Variants in DGKB observed in about 807,000 individuals in gnomAD.
DGKB encodes 90 kDa diacylglycerol kinase.
Under a neutral mutation model 114.3 loss-of-function variants are expected in DGKB, and 67 were observed. The observed-to-expected ratio is 0.59, with a 90% CI of 0.48 to 0.72. The LOEUF is 0.72. Among genes scored for constraint, DGKB ranks in the 30% least tolerant of loss-of-function variants. DGKB has a pLI of 0.00. For missense variants in DGKB, 907 were observed against 975.2 expected, an observed-to-expected ratio of 0.93 and a Z score of 0.93; for synonymous variants, 398 against 323.1, an observed-to-expected ratio of 1.23 and a Z score of -2.49.
intron 1 of DGKB, among the ~76,000 whole-genome samples, chr7:14,949,652 AG>A: frequency 6.6e-6 from 1 of 152,092 alleles, no homozygotes; most frequent in South Asian, 2.1e-4. Context: ...CAAATTTAAG[AG>A]GTACAACAAA....
intron 4 of DGKB, among the ~76,000 whole-genome samples, chr7:14,747,775 G>GCGCGCGCGCGCGCGCGCACACACA: frequency 4.8e-4 from 71 of 149,278 alleles, no homozygotes; most frequent in African/African-American, 1.6e-3. Flanking sequence ...ACATCCACGC[G>GCGCGCGCGCGCGCGCGCACACACA]CACGCACACA....
At chr7:14,306,538 C>G (rs1376036677) in intron 23 of DGKB, among the ~76,000 whole-genome samples, 1 of 150,896 alleles carries the variant, frequency 6.6e-6, no homozygotes, top group Non-Finnish European at 1.5e-5. Flanking sequence ...TTCACAAAGT[C>G]ACTGAAGTTT....
At chr7:14,716,108 A>G (rs1585919747) in intron 6 of DGKB, among the ~76,000 whole-genome samples, 1 of 152,184 alleles carries the variant, frequency 6.6e-6, no homozygotes, top group Admixed American at 6.6e-5. Flanking sequence ...CCTAACAAAT[A>G]CTGCCACTAT....
chr7:14,781,457 T>G (rs773004433), intron 2 of DGKB, among the ~76,000 whole-genome samples: 1 of 152,196 alleles, frequency 6.6e-6, no homozygotes, highest in Non-Finnish European at 1.5e-5. Context: ...TTATCTCTTC[T>G]ACTAACTATT....
At chr7:14,502,797 T>A (rs1218667218) in intron 20 of DGKB, among the ~76,000 whole-genome samples, 1 of 152,132 alleles carries the variant, frequency 6.6e-6, no homozygotes, top group Non-Finnish European at 1.5e-5. Context: ...AAAAGCACTC[T>A]TGCTGTATGC....
intron 5 of DGKB, among the ~76,000 whole-genome samples, chr7:14,733,875 C>T (rs1016897068): frequency 1.3e-5 from 2 of 151,840 alleles, no homozygotes; most frequent in African/African-American, 4.8e-5. Flanking sequence ...GGAAGGGAAG[C>T]AGTACAACAT....
intron 13 of DGKB, among the ~76,000 whole-genome samples, chr7:14,659,890 A>G (rs1239791404): frequency 2.0e-5 from 3 of 151,986 alleles, no homozygotes; most frequent in Non-Finnish European, 4.4e-5. Context: ...AGCTCTAACT[A>G]TTTTGAAATA....
At chr7:14,869,347 G>A (rs565995562) in intron 1 of DGKB, among the ~76,000 whole-genome samples, 2 of 152,012 alleles carry the variant, frequency 1.3e-5, no homozygotes, top group African/African-American at 4.8e-5. Context: ...TACACTTAAG[G>A]TTTAACTGGG....
intron 2 of DGKB, among the ~76,000 whole-genome samples, chr7:14,838,427 CA>C (rs1847449582): frequency 6.6e-6 from 1 of 152,056 alleles, no homozygotes; most frequent in African/African-American, 2.4e-5. Context: ...ATAAACAAGC[CA>C]AATTCAACAT....
chr7:14,519,368 C>T (rs1045423002), intron 20 of DGKB, among the ~76,000 whole-genome samples: 1 of 152,062 alleles, frequency 6.6e-6, no homozygotes, highest in African/African-American at 2.4e-5. Context: ...CATCCAGCTT[C>T]CTTCACTTAC....
chr7:14,191,017 T>G (rs1784228200), intron 23 of DGKB: 1 of 154,966 alleles, frequency 6.5e-6, no homozygotes, highest in South Asian at 1.8e-4. Flanking sequence ...GGTATCACCA[T>G]TGATACCCTG....
intron 21 of DGKB, among the ~76,000 whole-genome samples, chr7:14,394,943 T>C (rs915793302): frequency 6.6e-6 from 1 of 152,146 alleles, no homozygotes; most frequent in Non-Finnish European, 1.5e-5. Flanking sequence ...TCAACTTTTC[T>C]GTATGTAGAA....
chr7:14,573,579 T>C (rs1798697413), intron 20 of DGKB, among the ~76,000 whole-genome samples: 1 of 152,048 alleles, frequency 6.6e-6, no homozygotes, highest in Non-Finnish European at 1.5e-5. Context: ...TTATTTTCTA[T>C]ATTTTTAGAT....
chr7:14,635,758 C>CA (rs1194707167), intron 13 of DGKB, among the ~76,000 whole-genome samples: 2 of 151,416 alleles, frequency 1.3e-5, no homozygotes, highest in African/African-American at 4.8e-5. Context: ...TTGAAAAAAT[C>CA]ACCCCCTTCA....
Position 14,823,337 on chromosome 7 carries a change from A to G in DGKB, c.70+17857T>C, listed in dbSNP as rs573640901. Among the ~76,000 whole-genome samples the G allele has an allele frequency of 4.6e-5, 7 of 152,196 alleles. No individual in the cohort carries two copies. The South Asian group carries it at 1.5e-3, about 32-fold the overall frequency. The stretch of plus-strand genomic sequence containing the variant: ...ACCAGCAGATTAAAAATATTTTCTC[A>G]ATTTAAAAATTTGATCTCTGTGGTA... On this transcript the variant is annotated intron_variant, in intron 2 of 25. Transcript: ENST00000402815.
chr7:14,264,035 G>A (rs1329288797), intron 23 of DGKB, among the ~76,000 whole-genome samples: 1 of 152,072 alleles, frequency 6.6e-6, no homozygotes, highest in Non-Finnish European at 1.5e-5. Context: ...TAGAGGGAGT[G>A]CAGTTCTATT....
intron 13 of DGKB, among the ~76,000 whole-genome samples, chr7:14,631,831 C>T (rs1288093187): frequency 5.3e-5 from 8 of 152,082 alleles, no homozygotes; most frequent in Admixed American, 1.3e-4. Context: ...GTCCTTCCAT[C>T]TTTATCATAA....
chr7:14,467,123 A>T (rs1415852825), intron 21 of DGKB, among the ~76,000 whole-genome samples: 1 of 151,140 alleles, frequency 6.6e-6, no homozygotes, highest in Non-Finnish European at 1.5e-5. Flanking sequence ...TTTGTATGTT[A>T]TGTATATAAC....
intron 20 of DGKB, among the ~76,000 whole-genome samples, chr7:14,510,749 G>C (rs539214021): frequency 6.6e-6 from 1 of 152,164 alleles, no homozygotes; most frequent in Non-Finnish European, 1.5e-5. Context: ...CTTACAAAAT[G>C]TATTTCTTAA....
Sources: gnomAD v4.1 joint callset for allele counts (sites outside exome capture counted in the v4.1 genomes callset) on GRCh38, gnomAD v4.1.1 for gene constraint, MANE v1.5 for transcripts, NCBI Gene and HGNC (gene_info 2026-07-23, HGNC 2026-07-21) for gene names.